RBM6: variants seen among roughly 807,000 people sequenced by gnomAD.
The protein encoded by RBM6 is RNA binding motif protein 6.
In RBM6, 23 loss-of-function variants were observed where a neutral mutation model predicts 140.4. The observed-to-expected ratio is 0.16, with a 90% CI of 0.12 to 0.23. The LOEUF (loss-of-function observed/expected upper bound fraction) is 0.23. RBM6 is among the 10% of genes least tolerant of loss of function. RBM6 has a pLI of 1.00. For missense variants in RBM6, 1,139 were observed against 1,386.7 expected (o/e 0.82, Z 2.84); for synonymous variants, 439 against 475.6 (o/e 0.92, Z 1.00).
At chr3:49,945,306 T>C (rs1255777062) in intron 1 of RBM6, among the ~76,000 whole-genome samples, 1 of 151,808 alleles carries the variant, frequency 6.6e-6, no homozygotes, top group Admixed American at 6.6e-5. Context: ...CCCTCTTAAG[T>C]AGCTGAGACT....
chr3:49,945,442 C>A (rs1332088576), intron 1 of RBM6, among the ~76,000 whole-genome samples: 1 of 152,026 alleles, frequency 6.6e-6, no homozygotes, highest in Non-Finnish European at 1.5e-5. Context: ...ACACTGGTTG[C>A]ACCATTTTAC....
At chr3:50,062,374 C>T (rs1470761559) in intron 15 of RBM6, among the ~76,000 whole-genome samples, 1 of 151,896 alleles carries the variant, frequency 6.6e-6, no homozygotes, top group Non-Finnish European at 1.5e-5. Flanking sequence ...TGTGGTGGTA[C>T]ACGCCTGTAG....
intron 5 of RBM6, among the ~76,000 whole-genome samples, chr3:49,996,461 T>C (rs773164594): frequency 2.6e-5 from 4 of 152,214 alleles, no homozygotes; most frequent in African/African-American, 4.8e-5. Flanking sequence ...TACATAATTA[T>C]CCATAAGGGT....
intron 5 of RBM6, among the ~76,000 whole-genome samples, chr3:49,977,329 C>T (rs566436515): frequency 1.3e-5 from 2 of 152,308 alleles, no homozygotes; most frequent in Admixed American, 1.3e-4. Context: ...TAGTTCTTGG[C>T]TTCAGTTTCA....
intron 5 of RBM6, among the ~76,000 whole-genome samples, chr3:49,994,668 G>GT (rs201519253): frequency 6.8e-4 from 93 of 137,332 alleles, no homozygotes; most frequent in Non-Finnish European, 1.2e-3. Flanking sequence ...AAAGGCTGTG[G>GT]GGTGTGTGTG....
chr3:49,968,567 A>G lies in RBM6; in HGVS notation c.1142A>G (p.Asp381Gly), dbSNP rs1398489143. The change falls in exon 3 of 21, where the codon GAT (aspartate) becomes GGT (glycine). Residue 381 changes from aspartate to glycine, a missense_variant. By Grantham distance (94) the Asp-to-Gly change is moderately conservative. Coordinates refer to ENST00000266022, the MANE Select transcript of RBM6 (RefSeq NM_005777.3). ...TCTGGACGTGAAGAGCAGAGTTCAG[A>G]TGCTGGTCTGTTTAAAGAAGAAGGC... is the stretch of plus-strand genomic sequence containing the variant. ...QLSGREEQSS[D>G]AGLFKEEGGL... The G allele has an allele frequency of 3.2e-5, 51 of 1,614,058 alleles. No individual in the cohort carries two copies. The highest frequency in any genetic ancestry group is 4.3e-5 in the Non-Finnish European group (51 of 1,180,048).
Position 50,060,591 on chromosome 3 carries a change from CAAA to C in RBM6, c.2229-354_2229-352del, listed in dbSNP as rs10603676. Among the ~76,000 whole-genome samples the C allele has an allele frequency of 7.3e-4, 106 of 146,202 alleles. 1 individual carries two copies. In the South Asian group the frequency reaches 7.8e-3, roughly 11 times the overall value. ...TAAAACCCCGTCTCTACTAAAAATA[CAAA>C]AAAAAAAAAATTAGCTGGGCGTGGT... On this transcript the variant is annotated intron_variant, in intron 11 of 20. Coordinates refer to ENST00000266022, the MANE Select transcript of RBM6 (RefSeq NM_005777.3).
intron 6 of RBM6, 126 bp downstream of exon 6, chr3:49,999,639 C>A: frequency 2.5e-6 from 2 of 814,468 alleles, no homozygotes; most frequent in South Asian, 1.6e-5. Flanking sequence ...TACTGTATTC[C>A]AACCATCGGT....
At chr3:50,059,587 TTTTTCTGTCTTTGGGTTCTGGCA>T (rs772885107) in intron 10 of RBM6, 39 bp from the exon 11 acceptor site, 13 of 1,365,246 alleles carry the variant, frequency 9.5e-6, no homozygotes, top group East Asian at 2.3e-5. Context: ...CAAAGGAGAA[TTTTTCTGTCTTTGGGTTCTGGCA>T]TTTTCTGTCT....
intron 2 of RBM6, 198 bp downstream of exon 2, chr3:49,962,883 G>T: frequency 2.2e-6 from 1 of 454,138 alleles, no homozygotes. Context: ...AGATCATGAG[G>T]TCAGGAGATC....
chr3:50,076,123 C>G (rs960569822), intron 20 of RBM6, among the ~76,000 whole-genome samples: 1 of 151,900 alleles, frequency 6.6e-6, no homozygotes, highest in African/African-American at 2.4e-5. Flanking sequence ...TGCATACCAC[C>G]ATACCCAGCT....
chr3:49,980,011 T>C (rs1487079678), intron 5 of RBM6, among the ~76,000 whole-genome samples: 1 of 152,016 alleles, frequency 6.6e-6, no homozygotes, highest in African/African-American at 2.4e-5. Context: ...TTCTTTTCTT[T>C]TTTTTTTTAA....
At chr3:49,982,281 T>C (rs1575605554) in intron 5 of RBM6, among the ~76,000 whole-genome samples, 1 of 146,860 alleles carries the variant, frequency 6.8e-6, no homozygotes, top group Non-Finnish European at 1.5e-5. Flanking sequence ...TTTTTTTTTT[T>C]TTTTTTTTTG....
At chr3:50,048,826 G>A (rs1001480865) in intron 7 of RBM6, among the ~76,000 whole-genome samples, 4 of 151,408 alleles carry the variant, frequency 2.6e-5, no homozygotes, top group Non-Finnish European at 5.9e-5. Context: ...TTTTTGAAAC[G>A]GAATCTCATT....
At chr3:50,040,137 C>G (rs1307598631) in intron 6 of RBM6, among the ~76,000 whole-genome samples, 1 of 151,974 alleles carries the variant, frequency 6.6e-6, no homozygotes, top group Admixed American at 6.6e-5. Flanking sequence ...TTCTTAGCAC[C>G]AGACACCTTT....
intron 2 of RBM6, among the ~76,000 whole-genome samples, chr3:49,966,304 T>TA (rs1372802813): frequency 6.6e-6 from 1 of 152,242 alleles, no homozygotes; most frequent in African/African-American, 2.4e-5. Context: ...ATTAATATCT[T>TA]AATGCTTTTG....
At chr3:49,945,706 C>T (rs1185568685) in intron 1 of RBM6, among the ~76,000 whole-genome samples, 3 of 151,590 alleles carry the variant, frequency 2.0e-5, no homozygotes, top group Non-Finnish European at 4.4e-5. Context: ...CACGGTGAAA[C>T]CCCGTCTCTA....
chr3:49,958,694 T>C (rs1024736467), intron 1 of RBM6, among the ~76,000 whole-genome samples: 28 of 148,712 alleles, frequency 1.9e-4, no homozygotes, highest in African/African-American at 6.5e-4. Flanking sequence ...GAGCTTGCAG[T>C]GAGCCGAGAT....
At position 49,962,672 on chromosome 3, in the gene RBM6, A is replaced by G; in HGVS notation, c.31A>G (p.Thr11Ala). 6.3e-7 allele frequency: 1 copy of G among 1,576,302 alleles called. No individual in the cohort carries two copies. The highest frequency in any genetic ancestry group is 8.6e-7 in the Non-Finnish European group (1 of 1,167,518). ...GGGGGATTCTCGACCTGCTAACAGA[A>G]CTGGACCTTTTCGGTAAGTTCTCAA... The part of the protein sequence containing the change: MWGDSRPANR[T>A]GPFRGSQEER... The change falls in exon 2 of 21, where the codon ACT (threonine) becomes GCT (alanine). Residue 11 changes from threonine (T) to alanine (A), a missense_variant. Coordinates refer to ENST00000266022, the MANE Select transcript of RBM6 (RefSeq NM_005777.3).
Sources: allele counts gnomAD v4.1 joint callset (sites outside exome capture counted in the v4.1 genomes callset), GRCh38; gene constraint gnomAD v4.1.1; transcripts MANE v1.5; gene names NCBI Gene and HGNC (gene_info 2026-07-23, HGNC 2026-07-21).